Variants in MEAF6 observed in about 807,000 individuals in gnomAD.
MEAF6 encodes the protein chromatin modification-related protein MEAF6.
MEAF6 carries 15 observed loss-of-function variants against 28.9 expected under a neutral mutation model. That is an observed-to-expected ratio of 0.52 (90% CI 0.35 to 0.80). The LOEUF is 0.80. MEAF6 is among the 30% of genes least tolerant of loss of function. The pLI is 0.01. For missense variants in MEAF6, 178 were observed against 237.5 expected, an observed-to-expected ratio of 0.75 and a Z score of 1.65; for synonymous variants, 97 against 88.7, an observed-to-expected ratio of 1.09 and a Z score of -0.53.
intron 2 of MEAF6, among the ~76,000 whole-genome samples, chr1:37,509,924 C>T (rs934718423): frequency 1.3e-5 from 2 of 151,846 alleles, no homozygotes; most frequent in Non-Finnish European, 1.5e-5. Flanking sequence ...TTACAGGTGC[C>T]CACCACCATA....
chr1:37,496,809 C>T, intron 5 of MEAF6: 1 of 1,482,982 alleles, frequency 6.7e-7, no homozygotes, highest in Non-Finnish European at 9.0e-7. Flanking sequence ...GTCGATTAGC[C>T]ACCCTAGCAA....
chr1:37,513,088 G>A lies in MEAF6; in HGVS notation c.206+335C>T, dbSNP rs188916241. On this transcript the variant is annotated intron_variant, in intron 2 of 6. Transcript: ENST00000296214. Reference sequence around the variant, plus strand: ...ACCTGTAATCCCAGCTACTCAGGAGGAAAAAGAAAAAAAGAAAAGAAAAAT... The same window carrying A: ...ACCTGTAATCCCAGCTACTCAGGAGAAAAAAGAAAAAAAGAAAAGAAAAAT... Among the ~76,000 whole-genome samples, 322 of 151,918 alleles carry A rather than the reference G, an allele frequency of 2.1e-3. 3 individuals carry two copies. Among genetic ancestry groups the A allele is most frequent in the Middle Eastern group, 6.8e-3 (2 of 294 alleles).
intron 4 of MEAF6, among the ~76,000 whole-genome samples, chr1:37,507,842 C>T (rs1326653172): frequency 6.7e-6 from 1 of 148,800 alleles, no homozygotes; most frequent in Non-Finnish European, 1.5e-5. Flanking sequence ...AAAAAAAAGA[C>T]GAAATGCAGA....
At chr1:37,506,547 T>G (rs1642489635) in intron 4 of MEAF6, among the ~76,000 whole-genome samples, 1 of 152,014 alleles carries the variant, frequency 6.6e-6, no homozygotes. Context: ...ACTTTTGTTT[T>G]GTTTTGTTTT....
chr1:37,513,635 A>G (rs1642737556), intron 1 of MEAF6, 97 bp from the exon 2 acceptor site: 5 of 1,000,080 alleles, frequency 5.0e-6, no homozygotes, highest in Middle Eastern at 2.5e-4. Context: ...CGTAAACGCA[A>G]GCTTGCCCAC....
At position 37,494,088 on chromosome 1, in the gene MEAF6, T is replaced by C; in HGVS notation, c.*11A>G. On this transcript the variant is annotated 3_prime_UTR_variant, in exon 7 of 7. Transcript: ENST00000296214. ...CTCTACAGCCTGGAAGCTTCTGCACTAATGTGTCTTCTAATAGTCCTAAAG... is the reference window on the plus strand; with the variant it reads ...CTCTACAGCCTGGAAGCTTCTGCACCAATGTGTCTTCTAATAGTCCTAAAG... 6.2e-7 allele frequency: 1 copy of C among 1,612,904 alleles called. No individual in the cohort carries two copies. The highest frequency in any genetic ancestry group is 8.5e-7 in the Non-Finnish European group (1 of 1,179,678).
chr1:37,502,012 C>T lies in MEAF6; in HGVS notation c.341-16G>A, dbSNP rs773922318. The T allele has an allele frequency of 1.3e-6, 2 of 1,582,546 alleles. No homozygotes were observed. The highest frequency in any genetic ancestry group is 1.7e-5 in the Admixed American group (1 of 57,960). On this transcript the variant is annotated splice_polypyrimidine_tract_variant and intron_variant, in intron 4 of 6. Transcript: ENST00000296214. ...CCTGGCTCCCCTGAAGGAAATAAAACACAAGTTTCCAAATGCATCATCAGT... is the reference window on the plus strand; with the variant it reads ...CCTGGCTCCCCTGAAGGAAATAAAATACAAGTTTCCAAATGCATCATCAGT...
intron 2 of MEAF6, among the ~76,000 whole-genome samples, chr1:37,509,962 A>AG (rs1300530049): frequency 6.6e-6 from 1 of 151,658 alleles, no homozygotes; most frequent in African/African-American, 2.4e-5. Context: ...TTTTTAGTAG[A>AG]GACGGGGTTT....
intron 4 of MEAF6, among the ~76,000 whole-genome samples, chr1:37,508,895 T>A (rs999390263): frequency 1.3e-5 from 2 of 152,098 alleles, no homozygotes; most frequent in Non-Finnish European, 2.9e-5. Context: ...CCAGGAATTA[T>A]GGACTAGCCT....
intron 6 of MEAF6, among the ~76,000 whole-genome samples, chr1:37,494,326 C>G (rs980689623): frequency 2.7e-5 from 4 of 149,558 alleles, no homozygotes; most frequent in African/African-American, 7.4e-5. Context: ...CCAGCCTGGC[C>G]AGCATAGTGA....
intron 4 of MEAF6, among the ~76,000 whole-genome samples, chr1:37,502,477 A>C (rs1642342669): frequency 6.7e-6 from 1 of 150,004 alleles, no homozygotes; most frequent in Admixed American, 6.7e-5. Flanking sequence ...GTGACTGTAC[A>C]AAAAAAAAGG....
intron 5 of MEAF6, among the ~76,000 whole-genome samples, chr1:37,500,371 T>C (rs1028296116): frequency 1.3e-5 from 2 of 152,208 alleles, no homozygotes; most frequent in East Asian, 1.9e-4. Context: ...TTTAATTATC[T>C]TGACAATTAA....
At chr1:37,502,955 C>T (rs1642363765) in intron 4 of MEAF6, among the ~76,000 whole-genome samples, 1 of 151,612 alleles carries the variant, frequency 6.6e-6, no homozygotes, top group African/African-American at 2.4e-5. Context: ...TATTTCGAGA[C>T]AAGATCTCAC....
In MEAF6 at chr1:37,506,959, G is replaced by T. The variant is rs139390629; in HGVS notation, c.340+2319C>A. On this transcript the variant is annotated intron_variant, in intron 4 of 6. Transcript: ENST00000296214. Reference sequence around the variant, plus strand: ...ACCTGGGTGCAGCTTATTCTTGCAGGTAGACAGGTAAACAGCCATATACTG... The same window carrying T: ...ACCTGGGTGCAGCTTATTCTTGCAGTTAGACAGGTAAACAGCCATATACTG... 4.7e-3 allele frequency among the ~76,000 whole-genome samples: 711 copies of T among 152,310 alleles called. 4 individuals carry two copies. The highest frequency in any genetic ancestry group is 0.016 in the African/African-American group (664 of 41,566).
chr1:37,504,431 T>C (rs4535966), intron 4 of MEAF6, among the ~76,000 whole-genome samples: 63,972 of 151,848 alleles, frequency 0.42, 14,288 homozygotes, highest in East Asian at 0.58. Flanking sequence ...TAAGGATGAG[T>C]GAGGGAAGAC....
Position 37,514,723 on chromosome 1 carries a change from C to A in MEAF6, c.24G>T (p.Ala8=), listed in dbSNP as rs373036501. The A allele has an allele frequency of 4.0e-5, 62 of 1,532,924 alleles. No individual in the cohort carries two copies. The highest frequency in any genetic ancestry group is 5.2e-5 in the Non-Finnish European group (59 of 1,145,208). 95.0% of individuals were successfully genotyped at this position (1,532,924 alleles called of 1,614,324 possible). A position where few individuals can be genotyped will look rare whatever the true frequency, so the allele number is the denominator to read the frequency against. ...GCCGGGTGTCCGGGATCTGCGGCGG[C>A]GCCGCCTTGTTGTGCATCGCCATGT... MAMHNKA[A]PPQIPDTRRE... Residue 8 remains alanine, a synonymous_variant, in exon 1 of 7, where the codon GCG becomes GCT. Transcript: ENST00000296214.
chr1:37,500,783 C>T (rs1181873634), intron 5 of MEAF6, among the ~76,000 whole-genome samples: 1 of 152,170 alleles, frequency 6.6e-6, no homozygotes, highest in Non-Finnish European at 1.5e-5. Flanking sequence ...GAATACCCTA[C>T]AGATTTGTAA....
Position 37,497,006 on chromosome 1 carries a change from A to G in MEAF6, c.534-1088T>C, listed in dbSNP as rs535689227. Among the ~76,000 whole-genome samples, 3 of 152,356 alleles carry G rather than the reference A, an allele frequency of 2.0e-5. No homozygotes were observed. In the South Asian group the frequency reaches 6.2e-4, roughly 32 times the overall value. ...ACCTGGAGCCCTTTTATTAGCTGCC[A>G]AATTCGGAGTTAGAACTTTTAAAAT... On this transcript the variant is annotated intron_variant, in intron 5 of 6. Coordinates refer to ENST00000296214, the MANE Select transcript of MEAF6 (RefSeq NM_001270875.3).
chr1:37,496,063 GT>G (rs1284577781), intron 5 of MEAF6, 145 bp from the exon 6 acceptor site: 3 of 688,090 alleles, frequency 4.4e-6, no homozygotes, highest in Non-Finnish European at 7.4e-6. Context: ...GTCATATTTA[GT>G]TGTTTACCCA....
Sources: gnomAD v4.1 joint callset for allele counts (sites outside exome capture counted in the v4.1 genomes callset) on GRCh38, gnomAD v4.1.1 for gene constraint, MANE v1.5 for transcripts, NCBI Gene and HGNC (gene_info 2026-07-23, HGNC 2026-07-21) for gene names.